The following CMC1 variants were observed in gnomAD, a reference collection of about 807,000 sequenced individuals.
The protein encoded by CMC1 is C-X9-C motif containing 1.
A neutral mutation model predicts 14.1 loss-of-function variants in CMC1; 14 were observed. The observed-to-expected ratio is 0.99, with a 90% CI of 0.66 to 1.55. CMC1 has a LOEUF of 1.55. Among genes scored for constraint, CMC1 ranks in the 40% most tolerant of loss-of-function variants. The pLI, the probability that CMC1 is intolerant of heterozygous loss-of-function variation, is 0.00. For missense variants in CMC1, 127 were observed against 123.8 expected, an observed-to-expected ratio of 1.03 and a Z score of -0.12; for synonymous variants, 50 against 38.4, an observed-to-expected ratio of 1.30 and a Z score of -1.12.
At chr3:28,278,906 A>G (rs1276595426) in intron 2 of CMC1, among the ~76,000 whole-genome samples, 3 of 152,208 alleles carry the variant, frequency 2.0e-5, no homozygotes, top group Admixed American at 6.5e-5. Context: ...TGTCTAGCAC[A>G]TTGTGAATGG....
chr3:28,262,198 C>G (rs948694647), intron 1 of CMC1, among the ~76,000 whole-genome samples: 2 of 152,112 alleles, frequency 1.3e-5, no homozygotes, highest in Admixed American at 1.3e-4. Flanking sequence ...TTTATGTAGG[C>G]AGTGTTTATT....
intron 2 of CMC1, among the ~76,000 whole-genome samples, chr3:28,297,908 T>C (rs1429343470): frequency 6.6e-6 from 1 of 151,780 alleles, no homozygotes; most frequent in Non-Finnish European, 1.5e-5. Flanking sequence ...TATGTATTTA[T>C]ATGTATATAA....
At chr3:28,309,776 C>CT (rs1196279614) in intron 2 of CMC1, among the ~76,000 whole-genome samples, 5 of 151,064 alleles carry the variant, frequency 3.3e-5, no homozygotes, top group Non-Finnish European at 7.4e-5. Context: ...ACATTGCCTA[C>CT]TGGTCGTATT....
intron 2 of CMC1, chr3:28,292,060 C>CA (rs949835145): frequency 4.6e-5 from 7 of 152,216 alleles, no homozygotes; most frequent in Admixed American, 4.6e-4. Flanking sequence ...CTACTTCTCT[C>CA]AAAAACAAAG....
At chr3:28,273,125 G>A (rs772205106) in intron 2 of CMC1, among the ~76,000 whole-genome samples, 10 of 152,164 alleles carry the variant, frequency 6.6e-5, no homozygotes, top group Non-Finnish European at 1.0e-4. Context: ...ACCTCTGGTA[G>A]AATTCAGCTC....
chr3:28,295,973 C>T (rs1488216396), intron 2 of CMC1, among the ~76,000 whole-genome samples: 2 of 152,064 alleles, frequency 1.3e-5, no homozygotes, highest in Non-Finnish European at 1.5e-5. Flanking sequence ...TTATATTTCT[C>T]CTATTATATA....
chr3:28,264,406 A>G (rs1429284409), intron 2 of CMC1, among the ~76,000 whole-genome samples: 2 of 152,204 alleles, frequency 1.3e-5, no homozygotes, highest in Admixed American at 6.5e-5. Context: ...AATGGAGGCA[A>G]TAAAATAAAG....
At chr3:28,243,937 A>C (rs1254960016) in intron 1 of CMC1, among the ~76,000 whole-genome samples, 1 of 152,194 alleles carries the variant, frequency 6.6e-6, no homozygotes, top group Non-Finnish European at 1.5e-5. Flanking sequence ...CTTTATGAGG[A>C]AGTGTCATTT....
At chr3:28,303,018 A>G (rs973269317) in intron 2 of CMC1, among the ~76,000 whole-genome samples, 2 of 152,192 alleles carry the variant, frequency 1.3e-5, no homozygotes, top group East Asian at 1.9e-4. Flanking sequence ...TGTATGCCAC[A>G]CTAATCTTGG....
At chr3:28,260,832 G>A (rs1192469901) in intron 1 of CMC1, among the ~76,000 whole-genome samples, 1 of 151,434 alleles carries the variant, frequency 6.6e-6, no homozygotes, top group East Asian at 1.9e-4. Flanking sequence ...TTTCCTTTTT[G>A]GCATTTTCTT....
intron 2 of CMC1, among the ~76,000 whole-genome samples, chr3:28,282,436 C>A (rs929754222): frequency 7.9e-5 from 12 of 152,130 alleles, no homozygotes; most frequent in African/African-American, 2.9e-4. Context: ...TTACAGGTGT[C>A]CTACGCATTA....
intron 2 of CMC1, among the ~76,000 whole-genome samples, chr3:28,301,974 A>C (rs1189279866): frequency 6.6e-6 from 1 of 152,002 alleles, no homozygotes; most frequent in African/African-American, 2.4e-5. Context: ...TGTCACCACA[A>C]ATGTTTAAAC....
intron 1 of CMC1, among the ~76,000 whole-genome samples, chr3:28,245,978 C>G: frequency 6.6e-6 from 1 of 151,840 alleles, no homozygotes; most frequent in South Asian, 2.1e-4. Context: ...TGGGGTTTCA[C>G]CATGTCGCTT....
At chr3:28,260,212 AT>A (rs1207966812) in intron 1 of CMC1, among the ~76,000 whole-genome samples, 1 of 151,810 alleles carries the variant, frequency 6.6e-6, no homozygotes, top group Non-Finnish European at 1.5e-5. Flanking sequence ...GCTGAGTTTG[AT>A]TTGTTAATAT....
intron 2 of CMC1, among the ~76,000 whole-genome samples, chr3:28,283,849 G>A (rs1038201425): frequency 1.3e-5 from 2 of 152,150 alleles, no homozygotes; most frequent in South Asian, 2.1e-4. Flanking sequence ...CATCCTAGGA[G>A]AAAAGTCAAA....
intron 2 of CMC1, among the ~76,000 whole-genome samples, chr3:28,289,891 A>G (rs182732113): frequency 1.3e-5 from 2 of 152,274 alleles, no homozygotes; most frequent in African/African-American, 2.4e-5. Context: ...GAACAAAAGG[A>G]TAATACAAAG....
chr3:28,294,614 A>G (rs1701647669), intron 2 of CMC1: 1 of 203,198 alleles, frequency 4.9e-6, no homozygotes, highest in Non-Finnish European at 8.7e-6. Context: ...ATGGAAACTC[A>G]TGTAGGCAAG....
chr3:28,285,527 G>A (rs1322792887), intron 2 of CMC1, among the ~76,000 whole-genome samples: 2 of 152,090 alleles, frequency 1.3e-5, no homozygotes, highest in Admixed American at 1.3e-4. Context: ...GACCAGGAAA[G>A]ATGTGAGGGT....
In CMC1 at chr3:28,241,746, G is replaced by A. The variant is rs767089133; in HGVS notation, c.-48G>A. On this transcript the variant is annotated 5_prime_UTR_variant, in exon 1 of 4. Transcript: ENST00000466830. ...GCCCCTCCCCTCCACTCCCCTTCCT[G>A]CGTGCCCCGGAGCCGCCAAGCGGCT... 155 of 1,241,670 alleles carry A rather than the reference G, an allele frequency of 1.2e-4. No homozygotes were observed. Among genetic ancestry groups the A allele is most frequent in the Non-Finnish European group, 1.5e-4 (153 of 988,086 alleles). 76.9% of individuals were successfully genotyped at this position (1,241,670 alleles called of 1,614,324 possible). A position where few individuals can be genotyped will look rare whatever the true frequency, so the allele number is the denominator to read the frequency against.
Sources: allele counts gnomAD v4.1 joint callset (sites outside exome capture counted in the v4.1 genomes callset), GRCh38; gene constraint gnomAD v4.1.1; transcripts MANE v1.5; gene names NCBI Gene and HGNC (gene_info 2026-07-23, HGNC 2026-07-21).